Variants in CDH18 observed in about 807,000 individuals in gnomAD.
CDH18 encodes the protein cadherin-18.
Under a neutral mutation model 67.9 loss-of-function variants are expected in CDH18, and 31 were observed. That is an observed-to-expected ratio of 0.46 (90% confidence interval 0.34 to 0.62). CDH18 has a LOEUF of 0.62. CDH18 is among the 20% of genes least tolerant of loss of function. The pLI, the probability that CDH18 is intolerant of heterozygous loss-of-function variation, is 0.01. For synonymous variants in CDH18, 362 were observed against 347.2 expected, an observed-to-expected ratio of 1.04 and a Z score of -0.48; for missense variants, 890 against 975.5, an observed-to-expected ratio of 0.91 and a Z score of 1.17.
At chr5:19,946,260 C>T (rs1020850029) in intron 2 of CDH18, among the ~76,000 whole-genome samples, 2 of 152,120 alleles carry the variant, frequency 1.3e-5, no homozygotes, top group African/African-American at 4.8e-5. Context: ...TTCAATGAAA[C>T]ATCCTTCCGG....
At chr5:19,919,243 GTT>G (rs1792169524) in intron 2 of CDH18, among the ~76,000 whole-genome samples, 1 of 152,064 alleles carries the variant, frequency 6.6e-6, no homozygotes, top group African/African-American at 2.4e-5. Flanking sequence ...TCATCTGGCT[GTT>G]CATTTGTATC....
intron 2 of CDH18, among the ~76,000 whole-genome samples, chr5:20,011,633 G>A (rs1395265527): frequency 6.6e-6 from 1 of 152,052 alleles, no homozygotes. Context: ...TGTTCTTTCA[G>A]TACCTAGCTT....
chr5:20,157,556 A>G (rs759744230), intron 2 of CDH18, among the ~76,000 whole-genome samples: 22 of 152,040 alleles, frequency 1.4e-4, no homozygotes, highest in Non-Finnish European at 3.1e-4. Flanking sequence ...TCACTCAAAT[A>G]TTAATAATTA....
intron 2 of CDH18, among the ~76,000 whole-genome samples, chr5:20,002,584 A>G (rs923207350): frequency 6.6e-6 from 1 of 152,230 alleles, no homozygotes; most frequent in African/African-American, 2.4e-5. Context: ...AGTTACCACT[A>G]TGATTTTACC....
At chr5:20,202,600 A>G (rs2126307545) in intron 2 of CDH18, among the ~76,000 whole-genome samples, 1 of 152,144 alleles carries the variant, frequency 6.6e-6, no homozygotes, top group African/African-American at 2.4e-5. Context: ...ATGTTGCCCA[A>G]ATGAAAGAGT....
chr5:20,307,154 TAGAG>T (rs112737059), intron 1 of CDH18, among the ~76,000 whole-genome samples: 13 of 152,056 alleles, frequency 8.5e-5, no homozygotes, highest in Middle Eastern at 3.2e-3. Flanking sequence ...CATGGCAACT[TAGAG>T]AGAGAGAAAG....
intron 3 of CDH18, among the ~76,000 whole-genome samples, chr5:19,794,511 G>A (rs1389174540): frequency 6.6e-6 from 1 of 151,896 alleles, no homozygotes; most frequent in Non-Finnish European, 1.5e-5. Context: ...GGGATTTCTT[G>A]GCCTCCATTA....
intron 1 of CDH18, among the ~76,000 whole-genome samples, chr5:20,464,610 G>C (rs769912962): frequency 5.3e-5 from 8 of 152,096 alleles, no homozygotes; most frequent in Non-Finnish European, 1.0e-4. Context: ...ATGTCTATGA[G>C]GATAATGTTA....
chr5:20,275,339 C>T (rs905223093), intron 1 of CDH18, among the ~76,000 whole-genome samples: 3 of 152,002 alleles, frequency 2.0e-5, no homozygotes, highest in Admixed American at 1.3e-4. Context: ...TCTCTCTCTC[C>T]TGCCACCATA....
At chr5:20,388,141 G>A (rs1211198836) in intron 1 of CDH18, among the ~76,000 whole-genome samples, 1 of 152,184 alleles carries the variant, frequency 6.6e-6, no homozygotes, top group East Asian at 1.9e-4. Flanking sequence ...CAGAAGGAAT[G>A]GCACCAGTTC....
Position 19,977,193 on chromosome 5 carries a change from G to A in CDH18, c.-257+3867C>T, listed in dbSNP as rs531060024. ...AAACATGTAAGAGAAAAATAAAATG[G>A]CACTTCCTTGTGTGTCAGAAATGAA... On this transcript the variant is annotated intron_variant, in intron 2 of 12. Coordinates refer to ENST00000382275, the MANE Select transcript of CDH18 (RefSeq NM_004934.5). Among the ~76,000 whole-genome samples the A allele has an allele frequency of 4.6e-5, 7 of 152,158 alleles. No homozygotes were observed. In the East Asian group the frequency reaches 9.7e-4, roughly 21 times the overall value.
chr5:19,660,595 G>C (rs2150310470), intron 5 of CDH18, among the ~76,000 whole-genome samples: 1 of 152,224 alleles, frequency 6.6e-6, no homozygotes, highest in African/African-American at 2.4e-5. Flanking sequence ...ATTTCGGGCT[G>C]TACTATAAGC....
At chr5:19,715,201 A>G (rs1765195603) in intron 5 of CDH18, among the ~76,000 whole-genome samples, 1 of 152,178 alleles carries the variant, frequency 6.6e-6, no homozygotes, top group East Asian at 1.9e-4. Flanking sequence ...GCAAAAATGA[A>G]ATGAAATAAA....
rs375813928 is a variant in CDH18 at position 20,521,651 on chromosome 5, T to C, written c.-580+53811A>G. Among the ~76,000 whole-genome samples, 120 of 152,188 alleles carry C rather than the reference T, an allele frequency of 7.9e-4. 1 individual carries two copies. The highest frequency in any genetic ancestry group is 2.9e-3 in the African/African-American group (120 of 41,550). On this transcript the variant is annotated intron_variant, in intron 1 of 14. Transcript: ENST00000507958. ...AAATGGGTTAAAGAGAAGATATTTT[T>C]AAGTGTAGAGTTAATGGCAAATGCG...
At chr5:19,716,885 A>C (rs1438594265) in intron 5 of CDH18, among the ~76,000 whole-genome samples, 1 of 152,096 alleles carries the variant, frequency 6.6e-6, no homozygotes, top group African/African-American at 2.4e-5. Flanking sequence ...ACATTAAGAT[A>C]TGTAAAGACT....
chr5:19,714,816 A>G (rs929648232), intron 5 of CDH18, among the ~76,000 whole-genome samples: 4 of 152,020 alleles, frequency 2.6e-5, no homozygotes, highest in Non-Finnish European at 5.9e-5. Context: ...TTTGCTTAAA[A>G]ATTACAGTTT....
At chr5:19,495,283 T>A (rs1364819812) in intron 11 of CDH18, among the ~76,000 whole-genome samples, 1 of 152,184 alleles carries the variant, frequency 6.6e-6, no homozygotes, top group African/African-American at 2.4e-5. Flanking sequence ...TAGACTATCA[T>A]TGAACGGCAT....
chr5:20,391,589 A>C (rs549787153), intron 1 of CDH18, among the ~76,000 whole-genome samples: 1 of 152,062 alleles, frequency 6.6e-6, no homozygotes, highest in Non-Finnish European at 1.5e-5. Flanking sequence ...AGATTCTACT[A>C]TTAAGTTTCA....
chr5:20,298,052 T>A (rs147707832), intron 1 of CDH18, among the ~76,000 whole-genome samples: 37 of 152,282 alleles, frequency 2.4e-4, no homozygotes, highest in Middle Eastern at 6.8e-3. Context: ...GTAAGACTTT[T>A]TTCCACCTTA....
Sources: gnomAD v4.1 joint callset for allele counts (sites outside exome capture counted in the v4.1 genomes callset) on GRCh38, gnomAD v4.1.1 for gene constraint, MANE v1.5 for transcripts, NCBI Gene and HGNC (gene_info 2026-07-23, HGNC 2026-07-21) for gene names.